Variants in SYNE2 observed in about 807,000 individuals in gnomAD.
SYNE2 encodes the protein spectrin repeat containing nuclear envelope protein 2.
Under a neutral mutation model 856.3 loss-of-function variants are expected in SYNE2, and 431 were observed. The ratio of observed to expected loss-of-function variants is 0.50; its 90% CI spans 0.47 to 0.55. The LOEUF is 0.55. Among genes scored for constraint, SYNE2 ranks in the 20% least tolerant of loss-of-function variants. The pLI is 0.00. For missense variants in SYNE2, 8,129 were observed against 8,023.2 expected, an observed-to-expected ratio of 1.01 and a Z score of -0.50; for synonymous variants, 2,923 against 2,872.3, an observed-to-expected ratio of 1.02 and a Z score of -0.56.
intron 111 of SYNE2, among the ~76,000 whole-genome samples, chr14:64,221,340 A>G (rs527535962): frequency 9.8e-5 from 15 of 152,302 alleles, no homozygotes; most frequent in Admixed American, 3.9e-4. Flanking sequence ...CCAAAGCCCT[A>G]CCTTCATAGT....
At chr14:64,074,249 G>C (rs1350851308) in intron 53 of SYNE2, 113 bp downstream of exon 53, 13 of 1,057,112 alleles carry the variant, frequency 1.2e-5, no homozygotes, top group Non-Finnish European at 1.8e-5. Flanking sequence ...GGTCTGGGGA[G>C]AGAGAGAGAG....
At chr14:64,203,081 CT>C in intron 100 of SYNE2, 118 bp downstream of exon 100, 2 of 1,376,726 alleles carry the variant, frequency 1.5e-6, no homozygotes, top group Non-Finnish European at 1.0e-6. Flanking sequence ...CATTGGTTTG[CT>C]TTTTCCAGAG....
chr14:63,999,435 T>C (rs2096737453), intron 27 of SYNE2, among the ~76,000 whole-genome samples: 1 of 152,236 alleles, frequency 6.6e-6, no homozygotes. Flanking sequence ...TGAATGTTTG[T>C]TTCAGTCCTT....
At chr14:63,886,125 C>T (rs1240522621) in intron 1 of SYNE2, among the ~76,000 whole-genome samples, 3 of 152,002 alleles carry the variant, frequency 2.0e-5, no homozygotes, top group Non-Finnish European at 4.4e-5. Context: ...GTAGTTTTAA[C>T]ATCCTTACTG....
chr14:63,914,586 C>T (rs2095512945), intron 2 of SYNE2, among the ~76,000 whole-genome samples: 1 of 152,064 alleles, frequency 6.6e-6, no homozygotes, highest in South Asian at 2.1e-4. Flanking sequence ...GTACTGTTTG[C>T]CTGGGCCTGG....
Position 64,137,461 on chromosome 14 carries a change from G to C in SYNE2, c.14647-326G>C, listed in dbSNP as rs375299696. Among the ~76,000 whole-genome samples the C allele has an allele frequency of 1.7e-4, 26 of 152,274 alleles. 1 individual carries two copies. Among genetic ancestry groups the C allele is most frequent in the Middle Eastern group, 3.4e-3 (1 of 294 alleles). On this transcript the variant is annotated intron_variant, in intron 78 of 115. Transcript: ENST00000555002. ...AGAGGAGGTTTCACCATGTTGGTCA[G>C]CCTGGTCTCGAACTGCAGACCTCAG...
At position 64,214,304 on chromosome 14, in the gene SYNE2, T is replaced by C. The variant is rs747527253; in HGVS notation, c.19167T>C (p.Ser6389=). ...RKRGESEEPS[S]PQSLCHLVAP... ...GGGGAGAGAGCGAGGAACCGTCATC[T>C]CCTCAGTCCCTGTGTCATCTAGTGG... The change falls in exon 106 of 116, where the codon TCT becomes TCC. Residue 6389 remains serine (S), a synonymous_variant. Coordinates refer to ENST00000555002, the MANE Select transcript of SYNE2 (RefSeq NM_182914.3). 6.2e-7 allele frequency: 1 copy of C among 1,613,944 alleles called. No homozygotes were observed. Among genetic ancestry groups the C allele is most frequent in the Middle Eastern group, 1.6e-4 (1 of 6,062 alleles).
intron 1 of SYNE2, among the ~76,000 whole-genome samples, chr14:63,868,742 G>A (rs967458605): frequency 6.6e-6 from 1 of 152,132 alleles, no homozygotes; most frequent in Non-Finnish European, 1.5e-5. Context: ...GTGTGTGTAT[G>A]TGTGTGTGCT....
At chr14:64,113,598 G>C in intron 66 of SYNE2, 27 bp downstream of exon 66, 3 of 1,575,646 alleles carry the variant, frequency 1.9e-6, no homozygotes, top group Non-Finnish European at 2.6e-6. Flanking sequence ...AGAGTTCATG[G>C]TTTGCCTCTC....
Position 63,968,732 on chromosome 14 carries a change from A to G in SYNE2, c.1128+886A>G, listed in dbSNP as rs140097099. Among the ~76,000 whole-genome samples the G allele has an allele frequency of 4.3e-3, 649 of 152,308 alleles. 1 individual carries two copies. The highest frequency in any genetic ancestry group is 0.015 in the African/African-American group (626 of 41,560). On this transcript the variant is annotated intron_variant, in intron 11 of 115. Coordinates refer to ENST00000555002, the MANE Select transcript of SYNE2 (RefSeq NM_182914.3). ...TTATGGGTACATAGTAGGTGTATAT[A>G]TTTATGGGGTACCTGAGATATTTTG...
At chr14:64,047,895 T>C in intron 45 of SYNE2, 105 bp from the exon 46 acceptor site, 1 of 1,258,282 alleles carries the variant, frequency 7.9e-7, no homozygotes, top group South Asian at 1.3e-5. Flanking sequence ...TTTAAGTCTA[T>C]AATCCAAGTA....
At chr14:64,034,167 A>G (rs576202334) in intron 45 of SYNE2, among the ~76,000 whole-genome samples, 5 of 152,344 alleles carry the variant, frequency 3.3e-5, no homozygotes, top group African/African-American at 1.2e-4. Flanking sequence ...TCTCAATATA[A>G]TGAATACGTA....
chr14:64,126,941 T>G, intron 73 of SYNE2, 134 bp downstream of exon 73: 1 of 1,048,804 alleles, frequency 9.5e-7, no homozygotes, highest in Non-Finnish European at 1.4e-6. Flanking sequence ...TTCTGTTTGT[T>G]GCTCATGGTT....
chr14:64,032,971 C>T (rs1594999656), intron 45 of SYNE2, among the ~76,000 whole-genome samples: 2 of 151,886 alleles, frequency 1.3e-5, no homozygotes, highest in South Asian at 2.1e-4. Flanking sequence ...AGTTTGAGAT[C>T]AGTCTGGGCA....
At chr14:64,159,219 T>C (rs1335777954) in intron 86 of SYNE2, 93 bp from the exon 87 acceptor site, 13 of 1,518,364 alleles carry the variant, frequency 8.6e-6, no homozygotes, top group Non-Finnish European at 1.2e-5. Flanking sequence ...TTGAGTGTTA[T>C]TGCTACATAG....
intron 2 of SYNE2, among the ~76,000 whole-genome samples, chr14:63,936,284 G>T (rs183876831): frequency 4.6e-5 from 7 of 152,298 alleles, no homozygotes; most frequent in African/African-American, 1.7e-4. Flanking sequence ...GTGTTGTGGT[G>T]CGTAAATTCT....
chr14:64,025,741 A>G (rs1045788977), intron 41 of SYNE2, among the ~76,000 whole-genome samples: 1 of 152,178 alleles, frequency 6.6e-6, no homozygotes, highest in African/African-American at 2.4e-5. Flanking sequence ...AGGATGTCAA[A>G]AGAACATATG....
intron 106 of SYNE2, 101 bp downstream of exon 106, chr14:64,214,571 G>T: frequency 1.6e-6 from 2 of 1,220,144 alleles, no homozygotes; most frequent in Non-Finnish European, 2.3e-6. Context: ...AGTCCATCTT[G>T]TGGCCGACCC....
intron 1 of SYNE2, among the ~76,000 whole-genome samples, chr14:63,785,541 A>G (rs977712821): frequency 6.6e-6 from 1 of 152,148 alleles, no homozygotes; most frequent in African/African-American, 2.4e-5. Flanking sequence ...CCCAGTTACA[A>G]TTTCAAACCT....
Sources: allele counts gnomAD v4.1 joint callset (sites outside exome capture counted in the v4.1 genomes callset), GRCh38; gene constraint gnomAD v4.1.1; transcripts MANE v1.5; gene names NCBI Gene and HGNC (gene_info 2026-07-23, HGNC 2026-07-21).